Variants in HEG1 observed in about 807,000 individuals in gnomAD.
HEG1 encodes protein HEG homolog 1.
Under a neutral mutation model 125.6 loss-of-function variants are expected in HEG1, and 56 were observed. The observed-to-expected ratio is 0.45, with a 90% confidence interval of 0.36 to 0.56. The LOEUF (loss-of-function observed/expected upper bound fraction) is 0.56. HEG1 is among the 20% of genes least tolerant of loss of function. The pLI is 0.00. For missense variants in HEG1, 1,523 were observed against 1,670.0 expected (o/e 0.91, Z 1.53); for synonymous variants, 644 against 668.5 (o/e 0.96, Z 0.57).
intron 10 of HEG1, 28 bp from the exon 11 acceptor site, chr3:125,002,040 C>G: frequency 6.2e-7 from 1 of 1,612,944 alleles, no homozygotes; most frequent in Non-Finnish European, 8.5e-7. Context: ...GGGTTTTTAA[C>G]AGCCCTGAAA....
intron 1 of HEG1, among the ~76,000 whole-genome samples, chr3:125,035,949 C>CA (rs1392412960): frequency 6.6e-6 from 1 of 151,936 alleles, no homozygotes; most frequent in Non-Finnish European, 1.5e-5. Flanking sequence ...AGAGGCCTGG[C>CA]ATGGTGGCTC....
intron 11 of HEG1, among the ~76,000 whole-genome samples, chr3:124,999,604 C>T (rs1936971524): frequency 6.6e-6 from 1 of 152,252 alleles, no homozygotes; most frequent in African/African-American, 2.4e-5. Flanking sequence ...GTGCCCTGCA[C>T]AGAAGCAGAT....
Position 125,013,495 on chromosome 3 carries a change from G to T in HEG1, c.2084C>A (p.Thr695Asn). 6.2e-7 allele frequency: 1 copy of T among 1,613,686 alleles called. No individual in the cohort carries two copies. Among genetic ancestry groups the T allele is most frequent in the Non-Finnish European group, 8.5e-7 (1 of 1,179,750 alleles). Residue 695 changes from threonine to asparagine, a missense_variant, in exon 6 of 17, where the codon ACC (threonine) becomes AAC (asparagine). By Grantham distance (65) the Thr-to-Asn change is moderately conservative. Transcript: ENST00000311127. ...HHLFSSILPSTRASVHLLKST... is the reference protein window; with the variant it reads ...HHLFSSILPSNRASVHLLKST... ...CTTTAGTAGATGCACAGAGGCCCTG[G>T]TTGATGGTAAAATTGATGAAAATAA...
intron 12 of HEG1, 21 bp downstream of exon 12, chr3:124,997,668 C>A: frequency 1.3e-6 from 2 of 1,554,438 alleles, no homozygotes; most frequent in Non-Finnish European, 1.7e-6. Flanking sequence ...GGCACAGAAC[C>A]CCAGGCGAAG....
intron 1 of HEG1, among the ~76,000 whole-genome samples, chr3:125,039,834 C>T (rs62268971): frequency 6.3e-5 from 2 of 31,544 alleles, no homozygotes; most frequent in Non-Finnish European, 8.1e-5. Flanking sequence ...AAGAACAGAG[C>T]CAAAAAAAAA....
intron 8 of HEG1, 172 bp downstream of exon 8, chr3:125,009,533 G>T: frequency 1.9e-6 from 1 of 529,640 alleles, no homozygotes; most frequent in Non-Finnish European, 3.2e-6. Context: ...AAAGTAGGGT[G>T]TTCTATCTCC....
intron 1 of HEG1, among the ~76,000 whole-genome samples, chr3:125,049,397 C>T (rs1937754453): frequency 6.6e-6 from 1 of 152,214 alleles, no homozygotes; most frequent in Non-Finnish European, 1.5e-5. Flanking sequence ...CCTTCCTCCC[C>T]ACCATCCATA....
At chr3:124,978,510 C>T (rs899989923) in intron 14 of HEG1, among the ~76,000 whole-genome samples, 2 of 152,102 alleles carry the variant, frequency 1.3e-5, no homozygotes, top group African/African-American at 4.8e-5. Context: ...TGTGCACCAG[C>T]CCCGATGAAA....
At position 125,013,120 on chromosome 3, in the gene HEG1, G is replaced by A. The variant is rs1212367221; in HGVS notation, c.2459C>T (p.Thr820Ile). 1 of 1,614,002 alleles carries A rather than the reference G, an allele frequency of 6.2e-7. No homozygotes were observed. Among genetic ancestry groups the A allele is most frequent in the African/African-American group, 1.3e-5 (1 of 75,042 alleles). ...TTNSPLPPSL[T>I]ESSTEQTLPA... ...AAGGGTTTGCTCTGTGGAGGACTCT[G>A]TTAAGGATGGAGGCAAAGGAGAGTT... The change falls in exon 6 of 17, where the codon ACA (threonine) becomes ATA (isoleucine). Residue 820 changes from threonine to isoleucine, a missense_variant. Transcript: ENST00000311127.
chr3:125,019,024 A>T (rs1351302192), intron 5 of HEG1, among the ~76,000 whole-genome samples: 1 of 151,730 alleles, frequency 6.6e-6, no homozygotes, highest in Non-Finnish European at 1.5e-5. Flanking sequence ...CTGCCATCAC[A>T]CCCGGCTAAT....
Position 125,055,958 on chromosome 3 carries a change from G to GGCAGCGA in HEG1, c.-69_-68insTCGCTGC. ...CGAGGGCAGCGGGCAGCGGGCAGCGGGCGGCGGGGGCCGCGCGGGGCCGGG... is the reference window on the plus strand; with the variant it reads ...CGAGGGCAGCGGGCAGCGGGCAGCGGGCAGCGAGCGGCGGGGGCCGCGCGGGGCCGGG... On this transcript the variant is annotated 5_prime_UTR_variant, in exon 1 of 17. Coordinates refer to ENST00000311127, the MANE Select transcript of HEG1 (RefSeq NM_020733.2). 49 of 871,360 alleles carry GGCAGCGA rather than the reference G, an allele frequency of 5.6e-5. No homozygotes were observed. Among genetic ancestry groups the GGCAGCGA allele is most frequent in the Non-Finnish European group, 6.6e-5 (48 of 727,462 alleles). The allele number at this position is 871,360 out of a possible 1,614,324, so 54.0% of individuals were successfully genotyped here.
At chr3:125,015,760 C>A (rs1470536503) in intron 5 of HEG1, among the ~76,000 whole-genome samples, 1 of 151,694 alleles carries the variant, frequency 6.6e-6, no homozygotes, top group Non-Finnish European at 1.5e-5. Context: ...TCTCCTTGGC[C>A]TAAATCCTTC....
At chr3:125,010,600 T>G in intron 6 of HEG1, 45 bp from the exon 7 acceptor site, 2 of 1,134,250 alleles carry the variant, frequency 1.8e-6, no homozygotes, top group Non-Finnish European at 2.6e-6. Context: ...ACACAGGAAA[T>G]GTAAAGGCAG....
intron 15 of HEG1, 72 bp downstream of exon 15, chr3:124,977,787 A>G: frequency 2.1e-6 from 2 of 959,308 alleles, no homozygotes; most frequent in South Asian, 3.1e-5. Flanking sequence ...GTATCCTGTA[A>G]AAGAATACAA....
At position 124,970,241 on chromosome 3, in the gene HEG1, G is replaced by A. The variant is rs1936401413; in HGVS notation, c.*411C>T. 1 of 159,394 alleles carries A rather than the reference G, an allele frequency of 6.3e-6. No individual in the cohort carries two copies. Among genetic ancestry groups the A allele is most frequent in the Non-Finnish European group, 1.4e-5 (1 of 73,080 alleles). 9.9% of individuals were successfully genotyped at this position (159,394 alleles called of 1,614,324 possible). ...CTGCCTATGGAAGTGTCTCGGGAAA[G>A]GAAGCCTTCTTTCTGGAACAGTCTC... On this transcript the variant is annotated 3_prime_UTR_variant, in exon 17 of 17. Transcript: ENST00000311127.
chr3:125,035,944 C>G (rs1937543770), intron 1 of HEG1, among the ~76,000 whole-genome samples: 1 of 151,934 alleles, frequency 6.6e-6, no homozygotes, highest in Admixed American at 6.6e-5. Context: ...GAAATAGAGG[C>G]CTGGCATGGT....
intron 14 of HEG1, among the ~76,000 whole-genome samples, chr3:124,987,952 C>CACACATATATATATATATATATATAT: frequency 5.5e-5 from 3 of 54,658 alleles, no homozygotes; most frequent in Admixed American, 4.4e-4. Flanking sequence ...CACACACACA[C>CACACATATATATATATATATATATAT]ATATATATAT....
chr3:125,047,053 G>A (rs562845937), intron 1 of HEG1, among the ~76,000 whole-genome samples: 2 of 152,382 alleles, frequency 1.3e-5, no homozygotes, highest in South Asian at 2.1e-4. Flanking sequence ...AATCATGAAA[G>A]TTGGCTCTTT....
intron 1 of HEG1, among the ~76,000 whole-genome samples, chr3:125,042,142 A>G (rs191583567): frequency 1.3e-5 from 2 of 152,366 alleles, no homozygotes; most frequent in South Asian, 4.1e-4. Context: ...GTATGTATTT[A>G]CTAGGCCAAA....
Sources: allele counts gnomAD v4.1 joint callset (sites outside exome capture counted in the v4.1 genomes callset), GRCh38; gene constraint gnomAD v4.1.1; transcripts MANE v1.5; gene names NCBI Gene and HGNC (gene_info 2026-07-23, HGNC 2026-07-21).